The following RBM19 variants were observed in gnomAD, a reference collection of about 807,000 sequenced individuals.
The protein encoded by RBM19 is RNA binding motif protein 19, also known as probable RNA-binding protein 19.
A neutral mutation model predicts 116.8 loss-of-function variants in RBM19; 94 were observed. That is an observed-to-expected ratio of 0.80 (90% CI 0.68 to 0.95). The LOEUF (loss-of-function observed/expected upper bound fraction) is 0.95. Ranked by LOEUF, RBM19 falls within the 40% of genes least tolerant of loss-of-function variation. RBM19 has a pLI of 0.00. For synonymous variants in RBM19, 475 were observed against 494.1 expected (o/e 0.96, Z 0.51); for missense variants, 1,161 against 1,220.7 (o/e 0.95, Z 0.73).
chr12:113,946,440 C>A lies in RBM19; in HGVS notation c.1443G>T (p.Lys481Asn). The A allele has an allele frequency of 6.2e-7, 1 of 1,614,146 alleles. No individual in the cohort carries two copies. Among genetic ancestry groups the A allele is most frequent in the Non-Finnish European group, 8.5e-7 (1 of 1,180,026 alleles). ...CACTGGCATCCTCGCTGGCTTCCTT[C>A]TTGATGGTAGATGGTAACACGTGGA... The part of the protein sequence containing the change: ...RMLHVLPSTI[K>N]KEASEDASAL... Residue 481 changes from lysine (K) to asparagine (N), a missense_variant, in exon 12 of 24, where the codon AAG becomes AAT. Coordinates refer to ENST00000261741, the MANE Select transcript of RBM19 (RefSeq NM_016196.4).
chr12:113,850,017 G>C (rs543664712), intron 22 of RBM19, among the ~76,000 whole-genome samples: 2 of 152,302 alleles, frequency 1.3e-5, no homozygotes, highest in East Asian at 3.9e-4. Flanking sequence ...CCTGCTCAAG[G>C]CCTCTCCTCA....
chr12:113,835,922 T>C (rs1368651948), intron 23 of RBM19, among the ~76,000 whole-genome samples: 1 of 152,190 alleles, frequency 6.6e-6, no homozygotes, highest in Non-Finnish European at 1.5e-5. Flanking sequence ...TGGCTGTGAG[T>C]GCTGTAAAAC....
Position 113,903,777 on chromosome 12 carries a change from C to A in RBM19, c.2558+11192G>T, listed in dbSNP as rs1881864833. 6.6e-6 allele frequency among the ~76,000 whole-genome samples: 1 copy of A among 152,206 alleles called. No individual in the cohort carries two copies. The highest frequency in any genetic ancestry group is 1.5e-5 in the Non-Finnish European group (1 of 68,040). ...TTGGGCATTCCTTTTGTAGGCTGGC[C>A]AACCCTATATCAGATCTTCTATCTT... On this transcript the variant is annotated intron_variant, in intron 21 of 23. Coordinates refer to ENST00000261741, the MANE Select transcript of RBM19 (RefSeq NM_016196.4). The surrounding 1 kb of genome is among the most constrained non-coding windows in gnomAD (Gnocchi z 5.1).
chr12:113,921,669 T>G (rs1036853419), intron 18 of RBM19, among the ~76,000 whole-genome samples: 4 of 152,200 alleles, frequency 2.6e-5, no homozygotes, highest in African/African-American at 7.2e-5. Context: ...TGACAGCCAG[T>G]GCCACCCCAT....
chr12:113,948,061 G>A (rs895798613), intron 10 of RBM19, among the ~76,000 whole-genome samples: 1 of 152,208 alleles, frequency 6.6e-6, no homozygotes, highest in Non-Finnish European at 1.5e-5. Context: ...CCCCAGGCTT[G>A]GAGGTCAGGT....
At chr12:113,959,523 C>T in intron 4 of RBM19, 119 bp from the exon 5 acceptor site, 1 of 1,185,656 alleles carries the variant, frequency 8.4e-7, no homozygotes. Context: ...ATCCCTCAAG[C>T]TAATTTCCCC....
intron 21 of RBM19, among the ~76,000 whole-genome samples, chr12:113,909,774 C>G (rs1432113522): frequency 6.6e-6 from 1 of 152,194 alleles, no homozygotes; most frequent in Non-Finnish European, 1.5e-5. Context: ...CTTCCTAAAC[C>G]TAACCCCAAA....
intron 22 of RBM19, among the ~76,000 whole-genome samples, chr12:113,852,421 C>A (rs193114479): frequency 3.7e-4 from 56 of 152,334 alleles, no homozygotes; most frequent in African/African-American, 1.3e-3. Context: ...TCCTCCAGGG[C>A]TCTGCTGAAG....
At chr12:113,883,155 A>G (rs1745870711) in intron 21 of RBM19, among the ~76,000 whole-genome samples, 1 of 152,268 alleles carries the variant, frequency 6.6e-6, no homozygotes. Flanking sequence ...AAGGCAGGTC[A>G]TCGCCTCTAA....
chr12:113,890,723 G>A (rs1429635544), intron 21 of RBM19, among the ~76,000 whole-genome samples: 1 of 152,242 alleles, frequency 6.6e-6, no homozygotes, highest in African/African-American at 2.4e-5. Context: ...CAGAACTTCA[G>A]AACAGTTCCG....
At chr12:113,874,227 C>T (rs1202750939) in intron 21 of RBM19, among the ~76,000 whole-genome samples, 1 of 152,346 alleles carries the variant, frequency 6.6e-6, no homozygotes, top group East Asian at 1.9e-4. Flanking sequence ...GTTCCAACAG[C>T]ACCTGGCACA....
intron 23 of RBM19, among the ~76,000 whole-genome samples, chr12:113,835,471 A>G (rs1409730364): frequency 6.6e-6 from 1 of 152,162 alleles, no homozygotes. Context: ...TGACAAGGGA[A>G]TCACGAAAAG....
At chr12:113,907,792 T>C (rs149320459) in intron 21 of RBM19, among the ~76,000 whole-genome samples, 2,035 of 152,264 alleles carry the variant, frequency 0.013, 14 homozygotes, top group South Asian at 0.023. Context: ...TGGCAAACTT[T>C]TCCCAGCCAG....
Position 113,822,118 on chromosome 12 carries a change from T to A in RBM19, c.*1106A>T, listed in dbSNP as rs1269998645. 6.6e-6 allele frequency: 1 copy of A among 152,244 alleles called. No individual in the cohort carries two copies. Among genetic ancestry groups the A allele is most frequent in the African/African-American group, 2.4e-5 (1 of 41,468 alleles). 9.4% of individuals were successfully genotyped at this position (152,244 alleles called of 1,614,324 possible). On this transcript the variant is annotated 3_prime_UTR_variant, in exon 24 of 24. Coordinates refer to ENST00000261741, the MANE Select transcript of RBM19 (RefSeq NM_016196.4). ...TCACTTAATTCTGGCACTGTCTATC[T>A]GAGGTAGGCACAATTATCACCCCCA...
chr12:113,846,745 C>T (rs1035636083), intron 22 of RBM19, among the ~76,000 whole-genome samples: 1 of 152,162 alleles, frequency 6.6e-6, no homozygotes, highest in African/African-American at 2.4e-5. Context: ...GGCAAGGTCT[C>T]GCTGTCACCC....
At position 113,856,996 on chromosome 12, in the gene RBM19, G is replaced by T. The variant is rs542299070; in HGVS notation, c.2664+1795C>A. ...CTCAGGCAGTCTGGCTTTGAAGTTTGTATTGTAACAACAAGCTCTTGCATT... is the reference window on the plus strand; with the variant it reads ...CTCAGGCAGTCTGGCTTTGAAGTTTTTATTGTAACAACAAGCTCTTGCATT... On this transcript the variant is annotated intron_variant, in intron 22 of 23. Transcript: ENST00000261741. 5.3e-5 allele frequency among the ~76,000 whole-genome samples: 8 copies of T among 152,344 alleles called. No homozygotes were observed. In the South Asian group the frequency reaches 1.7e-3, roughly 32 times the overall value.
Position 113,825,138 on chromosome 12 carries a change from G to A in RBM19, c.2786-1817C>T, listed in dbSNP as rs1287396822. Among the ~76,000 whole-genome samples, 1 of 152,246 alleles carries A rather than the reference G, an allele frequency of 6.6e-6. No homozygotes were observed. Among genetic ancestry groups the A allele is most frequent in the East Asian group, 1.9e-4 (1 of 5,184 alleles). ...CCCTGGCCTTAGCACACTGCCTGGT[G>A]CCTAGCAAGTGCTTGTGAAATATCC... On this transcript the variant is annotated intron_variant, in intron 23 of 23. Transcript: ENST00000261741. This position sits in a 1 kb window ranked among gnomAD's most constrained non-coding sequence, Gnocchi z 5.7.
chr12:113,840,282 GC>G (rs1160523532), intron 23 of RBM19, among the ~76,000 whole-genome samples: 1 of 152,184 alleles, frequency 6.6e-6, no homozygotes, highest in Non-Finnish European at 1.5e-5. Flanking sequence ...CCACCTTCTT[GC>G]CCCCTCTTCC....
At chr12:113,837,168 T>TACACACACAGAC (rs747666532) in intron 23 of RBM19, among the ~76,000 whole-genome samples, 2 of 142,344 alleles carry the variant, frequency 1.4e-5, no homozygotes, top group East Asian at 2.2e-4. Flanking sequence ...CTACTTAATA[T>TACACACACAGAC]ACACACACAG....
Sources: gnomAD v4.1 joint callset for allele counts (sites outside exome capture counted in the v4.1 genomes callset) on GRCh38, gnomAD v4.1.1 for gene constraint, Gnocchi (gnomAD v3.1) non-coding constraint, MANE v1.5 for transcripts, NCBI Gene and HGNC (gene_info 2026-07-23, HGNC 2026-07-21) for gene names.